LAMA2: variants seen among roughly 807,000 people sequenced by gnomAD.
The protein encoded by LAMA2 is laminin subunit alpha-2.
A neutral mutation model predicts 364.8 loss-of-function variants in LAMA2; 269 were observed. The observed-to-expected ratio is 0.74, with a 90% CI of 0.67 to 0.82. The LOEUF (loss-of-function observed/expected upper bound fraction) is 0.82, where lower values mean the gene tolerates loss of function less well. Among genes scored for constraint, LAMA2 ranks in the 40% least tolerant of loss-of-function variants. LAMA2 has a pLI of 0.00. For synonymous variants in LAMA2, 1,379 were observed against 1,370.6 expected, an observed-to-expected ratio of 1.01 and a Z score of -0.14; for missense variants, 3,807 against 3,873.2, an observed-to-expected ratio of 0.98 and a Z score of 0.45.
chr6:129,456,307 C>T (rs776974497), intron 47 of LAMA2, 28 bp from the exon 48 acceptor site: 137 of 1,606,972 alleles, frequency 8.5e-5, no homozygotes, highest in Non-Finnish European at 1.1e-4. Context: ...TATGTTCCTC[C>T]CCTTCACTTC....
intron 36 of LAMA2, 114 bp from the exon 37 acceptor site, chr6:129,392,931 T>G (rs768630352): frequency 2.8e-5 from 24 of 842,938 alleles, no homozygotes; most frequent in Non-Finnish European, 3.6e-5. Flanking sequence ...ACATGTTTTC[T>G]TATTTTCTCA....
chr6:129,107,821 AT>A (rs1262487596), intron 4 of LAMA2, among the ~76,000 whole-genome samples: 1 of 152,122 alleles, frequency 6.6e-6, no homozygotes, highest in Non-Finnish European at 1.5e-5. Flanking sequence ...AATTCAGTGT[AT>A]TCTCAGAGCA....
chr6:129,349,887 GTATT>G (rs940185399), intron 31 of LAMA2, among the ~76,000 whole-genome samples: 14 of 151,892 alleles, frequency 9.2e-5, no homozygotes, highest in Non-Finnish European at 1.6e-4. Flanking sequence ...AGACAATAAA[GTATT>G]TGTTATTCAG....
At chr6:128,988,791 A>G (rs778777666) in intron 1 of LAMA2, among the ~76,000 whole-genome samples, 6 of 152,216 alleles carry the variant, frequency 3.9e-5, no homozygotes, top group Non-Finnish European at 5.9e-5. Flanking sequence ...TAATTTAGAA[A>G]ACTCAAATTT....
chr6:128,969,668 T>G (rs1782068549), intron 1 of LAMA2, among the ~76,000 whole-genome samples: 1 of 152,150 alleles, frequency 6.6e-6, no homozygotes, highest in Non-Finnish European at 1.5e-5. Flanking sequence ...TGAGCTCAAG[T>G]GATCCACCCA....
At chr6:129,425,163 A>G (rs924830572) in intron 40 of LAMA2, among the ~76,000 whole-genome samples, 1 of 151,990 alleles carries the variant, frequency 6.6e-6, no homozygotes, top group Non-Finnish European at 1.5e-5. Context: ...GAAATGATGG[A>G]TATATTCTCT....
chr6:129,265,652 G>A (rs1008710746), intron 15 of LAMA2, among the ~76,000 whole-genome samples: 2 of 151,752 alleles, frequency 1.3e-5, no homozygotes, highest in Non-Finnish European at 2.9e-5. Flanking sequence ...GGTTGGTTGT[G>A]GGGGTTGAAA....
intron 62 of LAMA2, among the ~76,000 whole-genome samples, chr6:129,511,829 G>GTACT (rs144571909): frequency 0.019 from 2,905 of 152,102 alleles, 112 homozygotes; most frequent in African/African-American, 0.067. Context: ...CATCAACATT[G>GTACT]TACTTACAGT....
At chr6:128,913,955 G>T (rs1320881054) in intron 1 of LAMA2, among the ~76,000 whole-genome samples, 1 of 151,986 alleles carries the variant, frequency 6.6e-6, no homozygotes, top group African/African-American at 2.4e-5. Context: ...TCTGCTGTGG[G>T]TATAAGCACA....
chr6:129,486,185 T>C (rs1228136886), intron 55 of LAMA2, among the ~76,000 whole-genome samples: 1 of 152,230 alleles, frequency 6.6e-6, no homozygotes, highest in Admixed American at 6.5e-5. Flanking sequence ...ATGGGTTTTA[T>C]AAGTTAGAGG....
intron 12 of LAMA2, among the ~76,000 whole-genome samples, chr6:129,201,612 A>C (rs149116043): frequency 1.7e-4 from 26 of 152,346 alleles, no homozygotes; most frequent in African/African-American, 6.0e-4. Flanking sequence ...AAACAGCCTT[A>C]AAAGAAGTCA....
At chr6:129,424,036 G>A (rs1423174811) in intron 40 of LAMA2, among the ~76,000 whole-genome samples, 1 of 152,020 alleles carries the variant, frequency 6.6e-6, no homozygotes, top group Non-Finnish European at 1.5e-5. Context: ...TTGACAAATA[G>A]ATTATTAGAA....
rs1340436842 is a variant in LAMA2, at chr6:129,318,022, C to G, written c.4058+1851C>G. ...AACTTTAGAATACATTTTTCCTAAT[C>G]TCAGTAAAAACTGGGGTCATAGTCT... is the stretch of plus-strand genomic sequence containing the variant. On this transcript the variant is annotated intron_variant, in intron 27 of 64. Transcript: ENST00000421865. Among the ~76,000 whole-genome samples the G allele has an allele frequency of 2.6e-5, 4 of 151,814 alleles. No individual in the cohort carries two copies. In the East Asian group the frequency reaches 5.8e-4, roughly 22 times the overall value.
intron 10 of LAMA2, among the ~76,000 whole-genome samples, chr6:129,182,925 C>A (rs554123221): frequency 2.1e-3 from 311 of 151,642 alleles, no homozygotes; most frequent in Middle Eastern, 6.8e-3. Context: ...TTTAAAATTT[C>A]TTTAATTGAA....
intron 12 of LAMA2, among the ~76,000 whole-genome samples, chr6:129,199,598 C>T (rs1782055933): frequency 6.6e-6 from 1 of 152,026 alleles, no homozygotes; most frequent in Non-Finnish European, 1.5e-5. Context: ...AATCTACAGA[C>T]AAATTCTTAA....
At chr6:129,427,144 T>C (rs1333268720) in intron 40 of LAMA2, among the ~76,000 whole-genome samples, 2 of 152,216 alleles carry the variant, frequency 1.3e-5, no homozygotes, top group African/African-American at 4.8e-5. Flanking sequence ...AATATATCTT[T>C]GCTTGGAGAT....
intron 27 of LAMA2, among the ~76,000 whole-genome samples, chr6:129,319,738 G>C (rs1583485527): frequency 6.6e-6 from 1 of 152,168 alleles, no homozygotes; most frequent in Admixed American, 6.5e-5. Flanking sequence ...CTGTTGAACA[G>C]AAGCCATACT....
At chr6:129,385,781 A>C (rs1381486419) in intron 35 of LAMA2, among the ~76,000 whole-genome samples, 2 of 152,190 alleles carry the variant, frequency 1.3e-5, no homozygotes, top group African/African-American at 4.8e-5. Context: ...AATAGGACTT[A>C]ATCAATGATA....
intron 1 of LAMA2, among the ~76,000 whole-genome samples, chr6:128,944,147 T>C (rs1227773752): frequency 7.2e-5 from 11 of 152,160 alleles, no homozygotes. Context: ...TTAAACAATA[T>C]GAATAGACAT....
Sources: gnomAD v4.1 joint callset for allele counts (sites outside exome capture counted in the v4.1 genomes callset) on GRCh38, gnomAD v4.1.1 for gene constraint, MANE v1.5 for transcripts, NCBI Gene and HGNC (gene_info 2026-07-23, HGNC 2026-07-21) for gene names.